The following PIK3C3 variants were observed in gnomAD, a reference collection of about 807,000 sequenced individuals.
PIK3C3 encodes the protein PI3-kinase type 3.
A neutral mutation model predicts 126.1 loss-of-function variants in PIK3C3; 95 were observed. The ratio of observed to expected loss-of-function variants is 0.75; its 90% CI spans 0.64 to 0.89. PIK3C3 has a LOEUF of 0.89. Ranked by LOEUF, PIK3C3 falls within the 40% of genes least tolerant of loss-of-function variation. PIK3C3 has a pLI of 0.00. For synonymous variants in PIK3C3, 374 were observed against 360.0 expected (o/e 1.04, Z -0.44); for missense variants, 829 against 1,063.2 (o/e 0.78, Z 3.06).
Position 42,013,521 on chromosome 18 carries a change from C to A in PIK3C3, c.1250C>A (p.Pro417His). 1 of 1,598,258 alleles carries A rather than the reference C, an allele frequency of 6.3e-7. No individual in the cohort carries two copies. Among genetic ancestry groups the A allele is most frequent in the Non-Finnish European group, 8.6e-7 (1 of 1,169,424 alleles). The change falls in exon 11 of 25, where the codon CCT becomes CAT. Residue 417 changes from proline to histidine, a missense_variant. Coordinates refer to ENST00000262039, the MANE Select transcript of PIK3C3 (RefSeq NM_002647.4). Reference sequence around the variant, plus strand: ...GATGATATAAAGAATGGATTGGAACCTACCAAGAAGGATAGTCAGAGTTCA... The same window carrying A: ...GATGATATAAAGAATGGATTGGAACATACCAAGAAGGATAGTCAGAGTTCA... ...NFDDIKNGLE[P>H]TKKDSQSSVS...
intron 24 of PIK3C3, among the ~76,000 whole-genome samples, chr18:42,069,740 A>G (rs1985698396): frequency 6.6e-6 from 1 of 152,124 alleles, no homozygotes; most frequent in Admixed American, 6.5e-5. Flanking sequence ...TCCTTATTCC[A>G]TACTTGTAGA....
At chr18:41,981,466 G>C (rs1360957557) in intron 4 of PIK3C3, among the ~76,000 whole-genome samples, 1 of 152,148 alleles carries the variant, frequency 6.6e-6, no homozygotes, top group Admixed American at 6.5e-5. Context: ...TACATGTACA[G>C]TTTGAAAGTA....
At chr18:42,076,151 T>TATATATGCACATATATATATATGCAC (rs1219457582) in intron 24 of PIK3C3, among the ~76,000 whole-genome samples, 1 of 103,784 alleles carries the variant, frequency 9.6e-6, no homozygotes, top group African/African-American at 5.6e-5. Context: ...TATGCGCATA[T>TATATATGCACATATATATATATGCAC]ATATATATAT....
intron 15 of PIK3C3, among the ~76,000 whole-genome samples, chr18:42,031,889 A>C (rs992430794): frequency 2.0e-5 from 3 of 152,226 alleles, no homozygotes; most frequent in African/African-American, 7.2e-5. Context: ...TTCTTGGGAT[A>C]CAGCAGTGAA....
chr18:41,975,751 G>A (rs532455404), intron 4 of PIK3C3, among the ~76,000 whole-genome samples: 1 of 149,196 alleles, frequency 6.7e-6, no homozygotes, highest in Non-Finnish European at 1.5e-5. Flanking sequence ...CCAGGCTGGA[G>A]TGCAGTGGCA....
intron 10 of PIK3C3, among the ~76,000 whole-genome samples, chr18:42,006,168 A>G (rs1418821203): frequency 1.3e-5 from 2 of 151,134 alleles, no homozygotes; most frequent in Admixed American, 6.6e-5. Context: ...ACTTACTACT[A>G]TTGATTTATT....
At chr18:41,983,565 A>G (rs1353439959) in intron 4 of PIK3C3, among the ~76,000 whole-genome samples, 1 of 152,182 alleles carries the variant, frequency 6.6e-6, no homozygotes, top group African/African-American at 2.4e-5. Flanking sequence ...CATAGCTCTT[A>G]TACTCAAGAA....
At chr18:42,047,283 T>C (rs1172117680) in intron 20 of PIK3C3, among the ~76,000 whole-genome samples, 1 of 152,208 alleles carries the variant, frequency 6.6e-6, no homozygotes, top group Non-Finnish European at 1.5e-5. Flanking sequence ...GGAATTTCGC[T>C]TGTCTTCATA....
chr18:42,054,461 C>T (rs1984970892), intron 21 of PIK3C3, among the ~76,000 whole-genome samples: 3 of 151,904 alleles, frequency 2.0e-5, no homozygotes, highest in African/African-American at 4.8e-5. Flanking sequence ...GTCTGCCTTT[C>T]CCAACCCACT....
At chr18:41,987,744 C>G (rs1008988960) in intron 4 of PIK3C3, 68 bp from the exon 5 acceptor site, 3 of 967,420 alleles carry the variant, frequency 3.1e-6, no homozygotes, top group Admixed American at 3.6e-5. Context: ...CATTGCCATT[C>G]TGACATTTTT....
rs985663430 is a variant in PIK3C3 at position 42,074,890 on chromosome 18, A to G, written c.2650-6233A>G. Among the ~76,000 whole-genome samples, 3 of 152,174 alleles carry G rather than the reference A, an allele frequency of 2.0e-5. No homozygotes were observed. In the East Asian group the frequency reaches 5.8e-4, roughly 29 times the overall value. On this transcript the variant is annotated intron_variant, in intron 24 of 24. Coordinates refer to ENST00000262039, the MANE Select transcript of PIK3C3 (RefSeq NM_002647.4). ...GACTAGAGAACATGGGATGCTCTCT[A>G]GTTTTAAATTGTGTTTTACTTAAGT...
chr18:41,996,683 C>T lies in PIK3C3; in HGVS notation c.937C>T (p.Gln313Ter). 1 of 1,573,536 alleles carries T rather than the reference C, an allele frequency of 6.4e-7. No homozygotes were observed. Among genetic ancestry groups the T allele is most frequent in the Non-Finnish European group, 8.6e-7 (1 of 1,158,302 alleles). ...AACCAAGCAACTTACATATGAAGAA[C>T]AAGATCTTGTTTGGAAGTTTAGATA... ...PPTKQLTYEEQDLVWKFRYYL... is the reference protein window; with the variant it reads ...PPTKQLTYEE The change falls in exon 9 of 25, where the codon CAA (glutamine) becomes TAA (stop). Residue 313 changes from glutamine to a stop codon, truncating the protein, a stop_gained. Transcript: ENST00000262039. LOFTEE classifies it high-confidence loss of function.
chr18:41,966,177 CTTTTTT>C (rs10539758), intron 3 of PIK3C3, among the ~76,000 whole-genome samples: 3 of 112,574 alleles, frequency 2.7e-5, no homozygotes, highest in Admixed American at 9.4e-5. Flanking sequence ...TATATTGTTC[CTTTTTT>C]TTTTTTTTTT....
intron 15 of PIK3C3, among the ~76,000 whole-genome samples, chr18:42,032,555 G>T (rs1352317645): frequency 6.6e-6 from 1 of 151,920 alleles, no homozygotes; most frequent in African/African-American, 2.4e-5. Flanking sequence ...GGTTCTTAGG[G>T]CTTATAGTGG....
At chr18:42,015,419 G>T in intron 11 of PIK3C3, 57 bp from the exon 12 acceptor site, 2 of 1,336,520 alleles carry the variant, frequency 1.5e-6, no homozygotes, top group Non-Finnish European at 1.1e-6. Context: ...AAAATTGTGC[G>T]TTCTCTTATG....
chr18:42,020,537 A>AAG, intron 12 of PIK3C3, 101 bp from the exon 13 acceptor site: 2 of 685,714 alleles, frequency 2.9e-6, no homozygotes, highest in Non-Finnish European at 5.0e-6. Context: ...TCTATTACAT[A>AAG]AGATATACAG....
intron 19 of PIK3C3, among the ~76,000 whole-genome samples, chr18:42,041,152 G>A (rs546515310): frequency 4.0e-5 from 6 of 151,854 alleles, no homozygotes; most frequent in African/African-American, 9.7e-5. Flanking sequence ...ATTGCACTCC[G>A]GCCTGGGTGA....
chr18:42,079,313 G>T (rs1268712924), intron 24 of PIK3C3, among the ~76,000 whole-genome samples: 2 of 152,296 alleles, frequency 1.3e-5, no homozygotes, highest in African/African-American at 4.8e-5. Context: ...CCAGTTGGTG[G>T]AGTAGTCAGA....
intron 6 of PIK3C3, 94 bp from the exon 7 acceptor site, chr18:41,993,176 C>A: frequency 1.6e-6 from 1 of 628,664 alleles, no homozygotes; most frequent in Non-Finnish European, 2.7e-6. Flanking sequence ...TGATGTTCAT[C>A]AAATAGAATT....
Sources: gnomAD v4.1 joint callset for allele counts (sites outside exome capture counted in the v4.1 genomes callset) on GRCh38, gnomAD v4.1.1 for gene constraint, MANE v1.5 for transcripts, NCBI Gene and HGNC (gene_info 2026-07-23, HGNC 2026-07-21) for gene names.